Variants in GALNTL6 observed in about 807,000 individuals in gnomAD.
GALNTL6 encodes polypeptide N-acetylgalactosaminyltransferase like 6, also known as polypeptide N-acetylgalactosaminyltransferase-like 6.
GALNTL6 carries 46 observed loss-of-function variants against 73.7 expected under a neutral mutation model. That is an observed-to-expected ratio of 0.62 (90% CI 0.49 to 0.80). GALNTL6 has a LOEUF of 0.80. Among genes scored for constraint, GALNTL6 ranks in the 30% least tolerant of loss-of-function variants. The pLI, the probability that GALNTL6 is intolerant of heterozygous loss-of-function variation, is 0.00. For synonymous variants in GALNTL6, 259 were observed against 263.7 expected (o/e 0.98, Z 0.17); for missense variants, 604 against 755.0 (o/e 0.80, Z 2.34).
intron 5 of GALNTL6, among the ~76,000 whole-genome samples, chr4:172,434,174 A>G (rs1330975337): frequency 6.6e-6 from 1 of 152,164 alleles, no homozygotes. Flanking sequence ...AAAATATAAT[A>G]ATCTATCGAT....
intron 9 of GALNTL6, among the ~76,000 whole-genome samples, chr4:172,942,058 A>G (rs1346997224): frequency 6.6e-6 from 1 of 152,244 alleles, no homozygotes; most frequent in Non-Finnish European, 1.5e-5. Flanking sequence ...CAGTTGAGAT[A>G]CAGAAAGTAG....
At chr4:172,094,057 C>T (rs1038833100) in intron 2 of GALNTL6, among the ~76,000 whole-genome samples, 1 of 152,096 alleles carries the variant, frequency 6.6e-6, no homozygotes, top group African/African-American at 2.4e-5. Flanking sequence ...GGTTGGGGAC[C>T]GCTGACATAG....
chr4:172,229,232 A>G (rs1159091), intron 2 of GALNTL6, among the ~76,000 whole-genome samples: 60,385 of 152,048 alleles, frequency 0.4, 12,179 homozygotes, highest in African/African-American at 0.42. Flanking sequence ...ATGGTTGCTA[A>G]TGTTACTACA....
At chr4:172,766,170 C>T (rs1738396811) in intron 5 of GALNTL6, among the ~76,000 whole-genome samples, 1 of 152,168 alleles carries the variant, frequency 6.6e-6, no homozygotes, top group Non-Finnish European at 1.5e-5. Flanking sequence ...ATTCCATGTA[C>T]AACTGATTAA....
chr4:172,914,597 T>TCCTA (rs1306376985), intron 8 of GALNTL6, among the ~76,000 whole-genome samples: 1 of 152,166 alleles, frequency 6.6e-6, no homozygotes, highest in Admixed American at 6.5e-5. Context: ...AGGATTGCAA[T>TCCTA]CCTAGTCTCT....
chr4:172,832,777 T>G (rs1429457343), intron 7 of GALNTL6, among the ~76,000 whole-genome samples: 1 of 152,160 alleles, frequency 6.6e-6, no homozygotes, highest in Non-Finnish European at 1.5e-5. Flanking sequence ...TGGACCCACC[T>G]CTGTCTCTCG....
At chr4:172,982,091 G>A (rs192259954) in intron 10 of GALNTL6, among the ~76,000 whole-genome samples, 33 of 152,188 alleles carry the variant, frequency 2.2e-4, no homozygotes, top group South Asian at 4.1e-4. Flanking sequence ...CACCGCACCC[G>A]GCCAAACATC....
chr4:172,487,328 T>G (rs540507120), intron 5 of GALNTL6, among the ~76,000 whole-genome samples: 1 of 136,592 alleles, frequency 7.3e-6, no homozygotes, highest in African/African-American at 2.7e-5. Context: ...CTTTCTTTCT[T>G]TCTTTCTTTC....
intron 5 of GALNTL6, among the ~76,000 whole-genome samples, chr4:172,445,662 A>G (rs1731993227): frequency 6.6e-6 from 1 of 152,140 alleles, no homozygotes; most frequent in Admixed American, 6.6e-5. Context: ...ATTATGGTAG[A>G]GAGAGTTCTT....
chr4:172,404,624 T>C (rs1053528475), intron 5 of GALNTL6, among the ~76,000 whole-genome samples: 1 of 152,086 alleles, frequency 6.6e-6, no homozygotes, highest in African/African-American at 2.4e-5. Context: ...GTGACCATTA[T>C]GTAGCTGTTC....
chr4:172,903,359 T>A (rs1168140230), intron 8 of GALNTL6, among the ~76,000 whole-genome samples: 1 of 152,182 alleles, frequency 6.6e-6, no homozygotes, highest in Non-Finnish European at 1.5e-5. Context: ...CTGAGAAATT[T>A]GTTTATTCTC....
At chr4:172,522,948 C>G (rs1455122) in intron 5 of GALNTL6, among the ~76,000 whole-genome samples, 20,005 of 152,146 alleles carry the variant, frequency 0.13, 1,730 homozygotes, top group Non-Finnish European at 0.2. Flanking sequence ...AAGTCCCTCT[C>G]TTGATTGCTC....
At chr4:171,826,997 G>T (rs1734842640) in intron 2 of GALNTL6, among the ~76,000 whole-genome samples, 1 of 152,012 alleles carries the variant, frequency 6.6e-6, no homozygotes, top group African/African-American at 2.4e-5. Context: ...TAAATAATGA[G>T]ATTCAGAAAC....
chr4:172,638,202 G>T (rs1435554294), intron 5 of GALNTL6, among the ~76,000 whole-genome samples: 3 of 152,062 alleles, frequency 2.0e-5, no homozygotes, highest in African/African-American at 7.2e-5. Flanking sequence ...GACTTTGTAA[G>T]ATCTCAAAAA....
chr4:172,138,467 C>T (rs1733696375), intron 2 of GALNTL6, among the ~76,000 whole-genome samples: 1 of 64,114 alleles, frequency 1.6e-5, no homozygotes, highest in African/African-American at 6.1e-5. Flanking sequence ...TATTAATTTA[C>T]TTGGACTGCC....
chr4:172,357,424 TG>T (rs1167860041), intron 5 of GALNTL6, among the ~76,000 whole-genome samples: 2 of 152,040 alleles, frequency 1.3e-5, no homozygotes, highest in African/African-American at 4.8e-5. Context: ...CTGGTGCGAA[TG>T]TCTCCAGAAG....
chr4:172,266,396 A>G (rs1160266966), intron 3 of GALNTL6: 1 of 152,162 alleles, frequency 6.6e-6, no homozygotes. Flanking sequence ...GAATTCCCTC[A>G]GGTTTACCTC....
intron 7 of GALNTL6, among the ~76,000 whole-genome samples, chr4:172,821,146 C>A (rs1741900839): frequency 6.6e-6 from 1 of 152,174 alleles, no homozygotes; most frequent in African/African-American, 2.4e-5. Context: ...ATCTAATTAA[C>A]TCTATGTAAT....
At chr4:172,659,108 G>A (rs1454332999) in intron 5 of GALNTL6, among the ~76,000 whole-genome samples, 2 of 152,128 alleles carry the variant, frequency 1.3e-5, no homozygotes, top group Non-Finnish European at 2.9e-5. Flanking sequence ...ACTATGATTT[G>A]TTTAATTTAT....
Sources: allele counts gnomAD v4.1 joint callset (sites outside exome capture counted in the v4.1 genomes callset), GRCh38; gene constraint gnomAD v4.1.1; transcripts MANE v1.5; gene names NCBI Gene and HGNC (gene_info 2026-07-23, HGNC 2026-07-21).